Variants in PCDHA6 observed in about 807,000 individuals in gnomAD.
PCDHA6 encodes protocadherin alpha 6, also known as protocadherin alpha-6.
A neutral mutation model predicts 60.3 loss-of-function variants in PCDHA6; 55 were observed. The ratio of observed to expected loss-of-function variants is 0.91; its 90% CI spans 0.73 to 1.14. PCDHA6 has a LOEUF of 1.14. Among genes scored for constraint, PCDHA6 ranks in the 50% most tolerant of loss-of-function variants. The probability of loss-of-function intolerance (pLI) is 0.00; values close to 1 mark genes in which losing one functional copy is unlikely to be tolerated. For missense variants in PCDHA6, 1,327 were observed against 1,256.5 expected (o/e 1.06, Z -0.85); for synonymous variants, 652 against 557.9 (o/e 1.17, Z -2.38).
Position 140,855,527 on chromosome 5 carries a change from G to C in PCDHA6, c.2394+25042G>C, listed in dbSNP as rs1017117704. ...TTAAATCTCAAAATAATGAGAAAGA[G>C]AAGTAAGTTAAGTGTCAGAACTTAA... On this transcript the variant is annotated intron_variant, in intron 1 of 3. Coordinates refer to ENST00000529310, the MANE Select transcript of PCDHA6 (RefSeq NM_018909.4). 1.3e-5 allele frequency among the ~76,000 whole-genome samples: 2 copies of C among 149,890 alleles called. 1 individual carries two copies. The highest frequency in any genetic ancestry group is 4.9e-5 in the African/African-American group (2 of 40,842).
chr5:140,944,182 GTTTGT>G (rs750577669), intron 1 of PCDHA6, among the ~76,000 whole-genome samples: 4 of 152,050 alleles, frequency 2.6e-5, no homozygotes, highest in African/African-American at 2.4e-5. Context: ...TTTTTTGTTG[GTTTGT>G]TTTGTTTTGT....
chr5:141,001,159 G>A (rs1332533329), intron 3 of PCDHA6, among the ~76,000 whole-genome samples: 2 of 152,076 alleles, frequency 1.3e-5, no homozygotes, highest in Non-Finnish European at 2.9e-5. Context: ...ATCTTAATAA[G>A]TAAAATTTAA....
At chr5:140,833,888 A>G (rs1308828787) in intron 1 of PCDHA6, among the ~76,000 whole-genome samples, 1 of 152,208 alleles carries the variant, frequency 6.6e-6, no homozygotes, top group Non-Finnish European at 1.5e-5. Context: ...CCTGGGATCT[A>G]GATCAAAGGA....
chr5:140,830,476 T>C lies in PCDHA6; in HGVS notation c.2385T>C (p.His795=). 6.4e-7 allele frequency: 1 copy of C among 1,551,430 alleles called. No homozygotes were observed. The highest frequency in any genetic ancestry group is 8.7e-7 in the Non-Finnish European group (1 of 1,145,378). ...AGAATCAGGATTTAAATGAAGATCA[T>C]GATGCCAAAGTAAGTGAATTTTCAT... The part of the protein sequence containing the change: ...KAENQDLNED[H]DAKPRQPNPD... The change falls in exon 1 of 4, where the codon CAT becomes CAC. Residue 795 remains histidine (H), a synonymous_variant. Coordinates refer to ENST00000529310, the MANE Select transcript of PCDHA6 (RefSeq NM_018909.4).
At chr5:140,967,519 C>T (rs147791062) in intron 1 of PCDHA6, 1 of 1,612,804 alleles carries the variant, frequency 6.2e-7, no homozygotes, top group Non-Finnish European at 8.5e-7. Flanking sequence ...TGGACACTAA[C>T]GACAACTCTC....
rs2150387302 is a variant in PCDHA6 at position 140,846,348 on chromosome 5, C to T, written c.2394+15863C>T. ...TAAATAGCCTTTTAAAGTGCTTTCT[C>T]TTTTTTCTTTTCTTTTCTTTCTTTC... is the stretch of plus-strand genomic sequence containing the variant. On this transcript the variant is annotated intron_variant, in intron 1 of 3. Transcript: ENST00000529310. 5.0e-5 allele frequency among the ~76,000 whole-genome samples: 7 copies of T among 138,736 alleles called. 1 individual carries two copies. Among genetic ancestry groups the T allele is most frequent in the East Asian group, 2.0e-4 (1 of 4,968 alleles). The allele number at this position is 138,736 out of a possible 152,430, so 91.0% of individuals were successfully genotyped here.
Position 140,830,281 on chromosome 5 carries a change from C to T in PCDHA6, c.2190C>T (p.Gly730=). Residue 730 remains glycine (G), a synonymous_variant, in exon 1 of 4, where the codon GGC becomes GGT. Coordinates refer to ENST00000529310, the MANE Select transcript of PCDHA6 (RefSeq NM_018909.4). ...GGTGCTCGGCGCCACCCACCGAGGG[C>T]GCGTGCACGGCGGACAAGCCCACGC... ...ALRCSAPPTE[G]ACTADKPTLV... 2 of 1,613,822 alleles carry T rather than the reference C, an allele frequency of 1.2e-6. No individual in the cohort carries two copies. Among genetic ancestry groups the T allele is most frequent in the Non-Finnish European group, 1.7e-6 (2 of 1,179,856 alleles).
chr5:140,842,319 A>G (rs1777874490), intron 1 of PCDHA6: 10 of 1,608,046 alleles, frequency 6.2e-6, no homozygotes, highest in Non-Finnish European at 8.5e-6. Context: ...ATGGCGGGTC[A>G]TTGCACCGTT....
Position 140,858,482 on chromosome 5 carries a change from A to G in PCDHA6, c.2394+27997A>G, listed in dbSNP as rs369228910. The G allele has an allele frequency of 2.7e-6, 4 of 1,507,654 alleles. 1 individual carries two copies. In the African/African-American group the frequency reaches 5.6e-5, roughly 21 times the overall value. 93.4% of individuals were successfully genotyped at this position (1,507,654 alleles called of 1,614,324 possible). On this transcript the variant is annotated intron_variant, in intron 1 of 3. Transcript: ENST00000529310. Reference sequence around the variant, plus strand: ...TTTCCTTTTGTGCTTTATGAATAATATTTTCTCTTACCGCATTTTCTCAAA... The same window carrying G: ...TTTCCTTTTGTGCTTTATGAATAATGTTTTCTCTTACCGCATTTTCTCAAA...
chr5:140,851,664 A>G, intron 1 of PCDHA6: 1 of 913,742 alleles, frequency 1.1e-6, no homozygotes, highest in South Asian at 5.0e-5. Flanking sequence ...TTCTCCTTTT[A>G]ATTGAAATTT....
chr5:140,879,123 G>C (rs895703047), intron 1 of PCDHA6, among the ~76,000 whole-genome samples: 18 of 152,310 alleles, frequency 1.2e-4, no homozygotes, highest in South Asian at 4.1e-4. Context: ...AAGGATTAGA[G>C]CAGGGGAGAT....
intron 3 of PCDHA6, among the ~76,000 whole-genome samples, chr5:140,993,609 T>C (rs1554253871): frequency 6.6e-6 from 1 of 152,078 alleles, no homozygotes; most frequent in African/African-American, 2.4e-5. Flanking sequence ...GAGAATTTTG[T>C]TGGGACCCTC....
intron 3 of PCDHA6, among the ~76,000 whole-genome samples, chr5:140,991,634 A>G (rs1261533190): frequency 5.9e-5 from 9 of 152,196 alleles, no homozygotes; most frequent in African/African-American, 1.7e-4. Flanking sequence ...TGTAATAACA[A>G]TCTGTTCATG....
chr5:140,999,406 G>C (rs1459713118), intron 3 of PCDHA6, among the ~76,000 whole-genome samples: 1 of 152,166 alleles, frequency 6.6e-6, no homozygotes, highest in Non-Finnish European at 1.5e-5. Context: ...GCATATGAAA[G>C]AATGGGAGCT....
At chr5:140,941,412 G>A (rs246068) in intron 1 of PCDHA6, among the ~76,000 whole-genome samples, 46,949 of 148,492 alleles carry the variant, frequency 0.32, 7,794 homozygotes, top group East Asian at 0.53. Context: ...CGCCTCCCGG[G>A]TTCAAGCAAT....
intron 3 of PCDHA6, among the ~76,000 whole-genome samples, chr5:140,996,297 T>TGTAACAAAGTAAGGGG (rs2097720569): frequency 6.6e-6 from 1 of 152,196 alleles, no homozygotes; most frequent in Non-Finnish European, 1.5e-5. Context: ...AAGCACAGAT[T>TGTAACAAAGTAAGGGG]GTAACAAAGT....
chr5:140,876,784 A>T (rs1336979041), intron 1 of PCDHA6: 1 of 1,614,094 alleles, frequency 6.2e-7, no homozygotes, highest in Non-Finnish European at 8.5e-7. Flanking sequence ...GCTGTGGGCC[A>T]CGGCTAGAGT....
chr5:140,904,584 A>T (rs1434719463), intron 1 of PCDHA6, among the ~76,000 whole-genome samples: 1 of 152,088 alleles, frequency 6.6e-6, no homozygotes, highest in African/African-American at 2.4e-5. Context: ...GACACCCAGT[A>T]GTGGGACTGC....
chr5:140,841,901 C>G, intron 1 of PCDHA6: 1 of 1,613,844 alleles, frequency 6.2e-7, no homozygotes, highest in Non-Finnish European at 8.5e-7. Flanking sequence ...ACTGGTTGAG[C>G]TCGTATTAAG....
Sources: allele counts gnomAD v4.1 joint callset (sites outside exome capture counted in the v4.1 genomes callset), GRCh38; gene constraint gnomAD v4.1.1; transcripts MANE v1.5; gene names NCBI Gene and HGNC (gene_info 2026-07-23, HGNC 2026-07-21).